Variants in TSPAN9 observed in about 807,000 individuals in gnomAD.
TSPAN9 encodes the protein tetraspanin-9.
TSPAN9 carries 16 observed loss-of-function variants against 31.0 expected under a neutral mutation model. The ratio of observed to expected loss-of-function variants is 0.52; its 90% CI spans 0.35 to 0.78. The LOEUF is 0.78. TSPAN9 is among the 30% of genes least tolerant of loss of function. The pLI, the probability that TSPAN9 is intolerant of heterozygous loss-of-function variation, is 0.01. For missense variants in TSPAN9, 272 were observed against 312.5 expected (o/e 0.87, Z 0.98); for synonymous variants, 145 against 121.6 (o/e 1.19, Z -1.27).
At chr12:3,189,023 C>G (rs147128210) in intron 2 of TSPAN9, among the ~76,000 whole-genome samples, 2 of 152,306 alleles carry the variant, frequency 1.3e-5, no homozygotes, top group East Asian at 3.9e-4. Context: ...GAGCTCTCCC[C>G]GCTTGGAGCT....
chr12:3,223,848 C>G (rs1049466513), intron 3 of TSPAN9, among the ~76,000 whole-genome samples: 4 of 152,182 alleles, frequency 2.6e-5, no homozygotes, highest in African/African-American at 9.7e-5. Context: ...GGATGGCATC[C>G]AGTCTTCTCT....
intron 2 of TSPAN9, among the ~76,000 whole-genome samples, chr12:3,093,967 A>G (rs974371269): frequency 1.2e-4 from 18 of 152,220 alleles, no homozygotes; most frequent in Admixed American, 9.2e-4. Context: ...GGCTCAAGCA[A>G]TCCTCCTGCC....
At chr12:3,182,027 A>G (rs1466451362) in intron 2 of TSPAN9, among the ~76,000 whole-genome samples, 1 of 151,808 alleles carries the variant, frequency 6.6e-6, no homozygotes, top group African/African-American at 2.4e-5. Context: ...GGGGGCTTTG[A>G]GGTCTTTGGA....
rs573643374 is a variant in TSPAN9 at position 3,170,703 on chromosome 12, C to G, written c.-17-30474C>G. On this transcript the variant is annotated intron_variant, in intron 2 of 8. Transcript: ENST00000011898. The surrounding 1 kb of genome is among the most constrained non-coding windows in gnomAD (Gnocchi z 4.4). ...GGCTGCAGAGATCAGGCCTACCCAG[C>G]TGAAAACACTGCAGGAGAGTTGGGG... 6.6e-6 allele frequency among the ~76,000 whole-genome samples: 1 copy of G among 152,050 alleles called. No homozygotes were observed. Among genetic ancestry groups the G allele is most frequent in the Non-Finnish European group, 1.5e-5 (1 of 68,010 alleles).
chr12:3,201,419 T>C (rs2098371751), intron 3 of TSPAN9, among the ~76,000 whole-genome samples, 163 bp downstream of exon 3: 2 of 152,156 alleles, frequency 1.3e-5, no homozygotes, highest in South Asian at 4.1e-4. Context: ...TCATGCACCT[T>C]TGTCTTTCCT....
rs143128806 is a variant in TSPAN9, at chr12:3,206,231, C to G, written c.63+4975C>G. The stretch of plus-strand genomic sequence containing the variant: ...CAGGGTGCTGGGGTCCCAGTTGGGT[C>G]CATTCACTCATGCCACAGCTATTTA... On this transcript the variant is annotated intron_variant, in intron 3 of 8. Coordinates refer to ENST00000011898, the MANE Select transcript of TSPAN9 (RefSeq NM_006675.5). The G allele has an allele frequency of 1.2e-3, 536 of 440,514 alleles. 1 individual carries two copies. The highest frequency in any genetic ancestry group is 9.3e-3 in the African/African-American group (465 of 49,978). The allele number at this position is 440,514 out of a possible 1,614,324, so 27.3% of individuals were successfully genotyped here. A position where few individuals can be genotyped will look rare whatever the true frequency, so the allele number is the denominator to read the frequency against.
chr12:3,150,323 G>C (rs1258912662), intron 2 of TSPAN9, among the ~76,000 whole-genome samples: 1 of 152,196 alleles, frequency 6.6e-6, no homozygotes, highest in Non-Finnish European at 1.5e-5. Flanking sequence ...GCTTGACTAA[G>C]GCCGCACAGT....
chr12:3,236,212 A>G (rs1225836183), intron 3 of TSPAN9, among the ~76,000 whole-genome samples: 1 of 152,230 alleles, frequency 6.6e-6, no homozygotes, highest in African/African-American at 2.4e-5. Flanking sequence ...CCAGTTGCTT[A>G]ATGTCTCTGA....
chr12:3,118,068 ACT>A (rs1484321859), intron 2 of TSPAN9, among the ~76,000 whole-genome samples: 4 of 132,174 alleles, frequency 3.0e-5, no homozygotes, highest in African/African-American at 5.4e-5. Flanking sequence ...GCTATTTAAG[ACT>A]CTTTTTCTCG....
Position 3,159,952 on chromosome 12 carries a change from A to AT in TSPAN9, c.-17-41222dup, listed in dbSNP as rs570518591. Among the ~76,000 whole-genome samples, 4 of 152,318 alleles carry AT rather than the reference A, an allele frequency of 2.6e-5. No individual in the cohort carries two copies. The South Asian group carries it at 8.3e-4, about 32-fold the overall frequency. ...GCAGTCCTAGCAAACTGATACACCT[A>AT]TTTGTATATTTAATATACAACTCAA... On this transcript the variant is annotated intron_variant, in intron 2 of 8. Coordinates refer to ENST00000011898, the MANE Select transcript of TSPAN9 (RefSeq NM_006675.5).
intron 2 of TSPAN9, among the ~76,000 whole-genome samples, chr12:3,118,553 T>A (rs6489440): frequency 6.6e-6 from 1 of 151,536 alleles, no homozygotes; most frequent in Admixed American, 6.6e-5. Flanking sequence ...GAGCCACCGC[T>A]CCTGGCCAGA....
chr12:3,229,026 G>A (rs2098389289), intron 3 of TSPAN9, among the ~76,000 whole-genome samples: 1 of 152,116 alleles, frequency 6.6e-6, no homozygotes, highest in Non-Finnish European at 1.5e-5. Flanking sequence ...GCCCTCCCAG[G>A]TCATCCAGGA....
At chr12:3,167,981 G>A (rs752056854) in intron 2 of TSPAN9, among the ~76,000 whole-genome samples, 1 of 152,206 alleles carries the variant, frequency 6.6e-6, no homozygotes, top group African/African-American at 2.4e-5. Context: ...TCATGGGCCT[G>A]TCCTCCTGGG....
At chr12:3,176,748 C>T (rs997817490) in intron 2 of TSPAN9, among the ~76,000 whole-genome samples, 2 of 152,238 alleles carry the variant, frequency 1.3e-5, no homozygotes, top group African/African-American at 4.8e-5. Context: ...CCGAAAGCAG[C>T]TCTCCCATCT....
At chr12:3,136,700 G>A (rs979884977) in intron 2 of TSPAN9, among the ~76,000 whole-genome samples, 1 of 152,206 alleles carries the variant, frequency 6.6e-6, no homozygotes, top group African/African-American at 2.4e-5. Flanking sequence ...AGGAACACAT[G>A]TTCAGGTGCC....
At chr12:3,258,196 A>T (rs1429140293) in intron 3 of TSPAN9, among the ~76,000 whole-genome samples, 7 of 152,108 alleles carry the variant, frequency 4.6e-5, no homozygotes, top group African/African-American at 1.7e-4. Context: ...AGGTGCAGGG[A>T]TGGCTTTGAC....
At chr12:3,113,877 G>A (rs774719697) in intron 2 of TSPAN9, among the ~76,000 whole-genome samples, 6 of 152,196 alleles carry the variant, frequency 3.9e-5, no homozygotes, top group Non-Finnish European at 8.8e-5. Flanking sequence ...CTGCAGGGAC[G>A]CTGTCTTTGA....
chr12:3,194,025 G>A (rs1429894128), intron 2 of TSPAN9, among the ~76,000 whole-genome samples: 2 of 152,182 alleles, frequency 1.3e-5, no homozygotes, highest in Non-Finnish European at 2.9e-5. Flanking sequence ...ATAGATTTCT[G>A]GCTTGGGCCC....
chr12:3,211,944 C>G (rs2098378954), intron 3 of TSPAN9: 3 of 1,212,374 alleles, frequency 2.5e-6, no homozygotes, highest in Non-Finnish European at 2.4e-6. Flanking sequence ...GTCGTCACCA[C>G]CGGAAAGCAA....
Sources: gnomAD v4.1 joint callset for allele counts (sites outside exome capture counted in the v4.1 genomes callset) on GRCh38, gnomAD v4.1.1 for gene constraint, Gnocchi (gnomAD v3.1) non-coding constraint, MANE v1.5 for transcripts, NCBI Gene and HGNC (gene_info 2026-07-23, HGNC 2026-07-21) for gene names.